DMD: variants seen among roughly 807,000 people sequenced by gnomAD.
DMD encodes the protein mutant dystrophin.
DMD carries 63 observed loss-of-function variants against 330.1 expected under a neutral mutation model. The observed-to-expected ratio is 0.19, with a 90% CI of 0.16 to 0.24. DMD has a LOEUF of 0.24. Among genes scored for constraint, DMD ranks in the 10% least tolerant of loss-of-function variants. The pLI is 1.00. For synonymous variants in DMD, 1,223 were observed against 959.8 expected, an observed-to-expected ratio of 1.27 and a Z score of -5.07; for missense variants, 3,344 against 2,684.1, an observed-to-expected ratio of 1.25 and a Z score of -5.43.
At chrX:32,564,129 A>AGATTT (rs2149086073) in intron 16 of DMD, among the ~76,000 whole-genome samples, 1 of 111,468 alleles carries the variant, frequency 9.0e-6, no homozygotes, top group South Asian at 3.7e-4. Flanking sequence ...CTTATGGATG[A>AGATTT]GATTTTCTGA....
chrX:32,483,164 T>TATATATATATATATATATATATATATAC (rs1481445275), intron 21 of DMD, among the ~76,000 whole-genome samples: 3,063 of 60,965 alleles, frequency 0.05, 565 homozygotes, highest in Non-Finnish European at 0.073. Context: ...TATATATATA[T>TATATATATATATATATATATATATATAC]ACACCATATT....
intron 12 of DMD, among the ~76,000 whole-genome samples, chrX:32,605,123 G>A (rs945147189): frequency 9.0e-6 from 1 of 110,873 alleles, no homozygotes. Flanking sequence ...TAAAGTTGAA[G>A]GCATCACATT....
intron 51 of DMD, among the ~76,000 whole-genome samples, chrX:31,732,030 A>G (rs756919350): frequency 9.0e-6 from 1 of 111,075 alleles, no homozygotes; most frequent in African/African-American, 3.3e-5. Context: ...GTCTCAGGGT[A>G]TTGTGAAACC....
intron 62 of DMD, among the ~76,000 whole-genome samples, chrX:31,277,038 C>A (rs1306587698): frequency 9.1e-6 from 1 of 110,415 alleles, no homozygotes; most frequent in Non-Finnish European, 1.9e-5. Context: ...AAGTTTAAGC[C>A]ATTTTTTCTT....
chrX:32,248,316 T>C (rs1373189921), intron 43 of DMD, among the ~76,000 whole-genome samples: 6 of 111,753 alleles, frequency 5.4e-5, no homozygotes, highest in Admixed American at 1.9e-4. Flanking sequence ...AAAAAAGGCA[T>C]TGTTAACATT....
chrX:32,531,186 G>A (rs927233365), intron 17 of DMD, among the ~76,000 whole-genome samples: 4 of 111,725 alleles, frequency 3.6e-5, no homozygotes, highest in African/African-American at 1.3e-4. Context: ...ACTCTCAGAT[G>A]CACTGTTAAA....
intron 64 of DMD, among the ~76,000 whole-genome samples, chrX:31,214,727 A>G (rs1452620921): frequency 9.2e-6 from 1 of 109,135 alleles, no homozygotes; most frequent in East Asian, 2.9e-4. Context: ...ATCTAGAAGT[A>G]GAGTTTCTAT....
intron 44 of DMD, among the ~76,000 whole-genome samples, chrX:32,017,639 G>A (rs1476885630): frequency 6.3e-5 from 7 of 111,699 alleles, no homozygotes; most frequent in Non-Finnish European, 1.1e-4. Context: ...TATGTAACGA[G>A]GAACTGGCCT....
intron 2 of DMD, among the ~76,000 whole-genome samples, chrX:32,996,678 A>G (rs1010115325): frequency 9.0e-6 from 1 of 111,142 alleles, no homozygotes; most frequent in African/African-American, 3.3e-5. Context: ...TTAGCCAGGC[A>G]TGGTGGCACA....
chrX:32,999,840 T>G (rs1335055635), intron 2 of DMD, among the ~76,000 whole-genome samples: 1 of 112,283 alleles, frequency 8.9e-6, no homozygotes, highest in African/African-American at 3.2e-5. Flanking sequence ...AAATGTCTTC[T>G]GACCAATTTC....
At chrX:31,585,514 T>A (rs1439776680) in intron 55 of DMD, among the ~76,000 whole-genome samples, 1 of 102,909 alleles carries the variant, frequency 9.7e-6, no homozygotes, top group Non-Finnish European at 2.0e-5. Flanking sequence ...AATTTCTTCC[T>A]CCCTACTCAT....
chrX:32,819,847 G>GT (rs1260313367), intron 5 of DMD, among the ~76,000 whole-genome samples: 1 of 82,725 alleles, frequency 1.2e-5, no homozygotes, highest in Non-Finnish European at 2.2e-5. Flanking sequence ...TAATGTTGGT[G>GT]TAAAAAAAAA....
At chrX:31,916,980 T>C (rs1307239801) in intron 47 of DMD, among the ~76,000 whole-genome samples, 1 of 112,324 alleles carries the variant, frequency 8.9e-6, no homozygotes, top group Non-Finnish European at 1.9e-5. Context: ...AAAATCTTTT[T>C]GCAAAGGCCT....
Position 31,478,369 on chromosome X carries a change from G to A in DMD, c.8674C>T (p.Pro2892Ser), listed in dbSNP as rs779715136. ...ACATTCTGGGCTCTCTCCTCAGGAG[G>A]CAGCTCTAAATTGGCAATATGACAA... Reference protein sequence around the residue: ...EKLYQEPRELPPEERAQNVTR... With the variant: ...EKLYQEPRELSPEERAQNVTR... Residue 2892 changes from proline to serine, a missense_variant, in exon 59 of 79, where the codon CCT becomes TCT. Coordinates refer to ENST00000357033, the MANE Select transcript of DMD (RefSeq NM_004006.3). 1.7e-6 allele frequency: 2 copies of A among 1,211,695 alleles called. No individual in the cohort carries two copies. The highest frequency in any genetic ancestry group is 3.0e-5 in the East Asian group (1 of 33,858).
In DMD at chrX:32,693,687, G is replaced by A. The variant is rs139454105; in HGVS notation, c.960+4183C>T. On this transcript the variant is annotated intron_variant, in intron 9 of 78. Transcript: ENST00000357033. ...ACTCCTAGCCTCAAGTGATCTCCCC[G>A]CGTCATCCTCCAAAAGAGGCGGGAT... Among the ~76,000 whole-genome samples the A allele has an allele frequency of 7.0e-3, 781 of 111,777 alleles. 9 individuals are homozygous for A. The highest frequency in any genetic ancestry group is 0.024 in the African/African-American group (729 of 30,748).
At chrX:32,013,093 CTT>C (rs754162660) in intron 44 of DMD, among the ~76,000 whole-genome samples, 2 of 61,156 alleles carry the variant, frequency 3.3e-5, no homozygotes, top group African/African-American at 8.1e-5. Context: ...CTTTTCTTTC[CTT>C]TTTTTTTTTT....
intron 2 of DMD, among the ~76,000 whole-genome samples, chrX:32,935,930 T>C (rs1294096972): frequency 9.0e-6 from 1 of 111,206 alleles, no homozygotes; most frequent in Non-Finnish European, 1.9e-5. Flanking sequence ...GCATTAAATG[T>C]AAATAATCCG....
chrX:31,237,677 C>A (rs1294402480), intron 63 of DMD, among the ~76,000 whole-genome samples: 1 of 112,002 alleles, frequency 8.9e-6, no homozygotes, highest in Non-Finnish European at 1.9e-5. Context: ...ACATTTGAAT[C>A]TGGAACCAAT....
intron 30 of DMD, among the ~76,000 whole-genome samples, chrX:32,402,750 C>T (rs1156738832): frequency 9.0e-6 from 1 of 111,411 alleles, no homozygotes; most frequent in Non-Finnish European, 1.9e-5. Context: ...GTTTTCAGAG[C>T]TTCAAAGTTG....
Sources: gnomAD v4.1 joint callset for allele counts (sites outside exome capture counted in the v4.1 genomes callset) on GRCh38, gnomAD v4.1.1 for gene constraint, MANE v1.5 for transcripts, NCBI Gene and HGNC (gene_info 2026-07-23, HGNC 2026-07-21) for gene names.